Variants in MAST4 observed in about 807,000 individuals in gnomAD.
MAST4 encodes the protein microtubule-associated serine/threonine-protein kinase 4.
In MAST4, 89 loss-of-function variants were observed where a neutral mutation model predicts 162.7. That is an observed-to-expected ratio of 0.55 (90% CI 0.46 to 0.65). The LOEUF (loss-of-function observed/expected upper bound fraction) is 0.65. MAST4 is among the 30% of genes least tolerant of loss of function. The pLI is 0.00. For synonymous variants in MAST4, 1,479 were observed against 1,361.1 expected, an observed-to-expected ratio of 1.09 and a Z score of -1.91; for missense variants, 3,153 against 3,374.0, an observed-to-expected ratio of 0.93 and a Z score of 1.62.
chr5:66,624,146 GT>G (rs200030700), intron 1 of MAST4, among the ~76,000 whole-genome samples: 912 of 90,034 alleles, frequency 0.01, no homozygotes, highest in African/African-American at 0.033. Context: ...TTGTTAAAAT[GT>G]TTTTTTTTTT....
chr5:67,073,739 A>C (rs1761248406), intron 5 of MAST4, among the ~76,000 whole-genome samples: 1 of 152,234 alleles, frequency 6.6e-6, no homozygotes, highest in South Asian at 2.1e-4. Flanking sequence ...ACTGCAAAGG[A>C]AATAGTTTAA....
intron 1 of MAST4, among the ~76,000 whole-genome samples, chr5:66,678,385 T>G (rs1341323398): frequency 6.6e-6 from 1 of 152,088 alleles, no homozygotes; most frequent in Non-Finnish European, 1.5e-5. Flanking sequence ...AAGTAGATCC[T>G]AATTGCTGAC....
At position 67,163,447 on chromosome 5, in the gene MAST4, T is replaced by C. The variant is rs753005447; in HGVS notation, c.4268T>C (p.Ile1423Thr). 6.8e-6 allele frequency: 11 copies of C among 1,613,316 alleles called. No individual in the cohort carries two copies. The South Asian group carries it at 1.2e-4, about 18-fold the overall frequency. The change falls in exon 29 of 29, where the codon ATC (isoleucine) becomes ACC (threonine). Residue 1423 changes from isoleucine (I) to threonine (T), a missense_variant. Ile to Thr is a moderately conservative substitution (Grantham distance 89). Coordinates refer to ENST00000403625, the MANE Select transcript of MAST4 (RefSeq NM_001164664.2). This position sits in a 1 kb window ranked among gnomAD's most constrained non-coding sequence, Gnocchi z 7.0. The stretch of plus-strand genomic sequence containing the variant: ...AGCAAGATGCACTCCCCGCCCACCA[T>C]CGTCAGACACATCGTGAGGCCCAAG... ...FPSKMHSPPTIVRHIVRPKSA... is the reference protein window; with the variant it reads ...FPSKMHSPPTTVRHIVRPKSA...
chr5:66,640,332 G>A (rs951148716), intron 1 of MAST4, among the ~76,000 whole-genome samples: 1 of 149,738 alleles, frequency 6.7e-6, no homozygotes, highest in Non-Finnish European at 1.5e-5. Context: ...TTTTGAGACG[G>A]AGTCTCGCTC....
chr5:66,691,519 A>G (rs1580208102), intron 1 of MAST4, among the ~76,000 whole-genome samples: 3 of 152,306 alleles, frequency 2.0e-5, no homozygotes, highest in Admixed American at 1.3e-4. Context: ...ACAGAATACT[A>G]TAGACTGGGT....
At chr5:67,013,486 A>G (rs1165024526) in intron 4 of MAST4, among the ~76,000 whole-genome samples, 1 of 152,218 alleles carries the variant, frequency 6.6e-6, no homozygotes, top group Non-Finnish European at 1.5e-5. Context: ...CAAACAAAAT[A>G]AAAGCTGTAA....
chr5:67,099,042 G>A (rs535094730), intron 7 of MAST4, among the ~76,000 whole-genome samples: 1 of 152,066 alleles, frequency 6.6e-6, no homozygotes, highest in South Asian at 2.1e-4. Flanking sequence ...TTGAAATCTT[G>A]GATACAGGAT....
At chr5:66,950,317 C>T (rs559026909) in intron 4 of MAST4, among the ~76,000 whole-genome samples, 2 of 151,734 alleles carry the variant, frequency 1.3e-5, no homozygotes, top group Admixed American at 6.6e-5. Flanking sequence ...TTCAATTCTG[C>T]GCCATTAAGT....
chr5:67,036,787 C>T (rs1756074717), intron 4 of MAST4, among the ~76,000 whole-genome samples: 1 of 152,172 alleles, frequency 6.6e-6, no homozygotes, highest in Non-Finnish European at 1.5e-5. Flanking sequence ...GAATGCATAA[C>T]TCACGGATAC....
At chr5:66,674,491 A>G (rs191912904) in intron 1 of MAST4, among the ~76,000 whole-genome samples, 85 of 152,340 alleles carry the variant, frequency 5.6e-4, no homozygotes, top group Non-Finnish European at 9.1e-4. Context: ...GACTGATAAG[A>G]TGATTGGAAA....
intron 12 of MAST4, among the ~76,000 whole-genome samples, chr5:67,115,285 G>A (rs1011937387): frequency 2.0e-5 from 3 of 152,044 alleles, no homozygotes; most frequent in African/African-American, 4.8e-5. Context: ...ATTCAAAATT[G>A]TCTTCTCGGT....
At chr5:67,098,539 T>C (rs564377088) in intron 7 of MAST4, among the ~76,000 whole-genome samples, 45 of 152,264 alleles carry the variant, frequency 3.0e-4, no homozygotes, top group African/African-American at 1.1e-3. Context: ...AGTATGTCTA[T>C]CAAATGATAT....
intron 1 of MAST4, among the ~76,000 whole-genome samples, chr5:66,642,085 G>A (rs184734352): frequency 3.3e-5 from 5 of 152,158 alleles, no homozygotes; most frequent in Admixed American, 2.6e-4. Flanking sequence ...AATATCACAC[G>A]GAGACAACTA....
chr5:66,765,655 T>G (rs946079682), intron 2 of MAST4, among the ~76,000 whole-genome samples: 2 of 152,164 alleles, frequency 1.3e-5, no homozygotes, highest in Non-Finnish European at 2.9e-5. Context: ...ATATTTTATT[T>G]AACTATTTTT....
rs1773725958 is a variant in MAST4 at position 67,165,179 on chromosome 5, G to T, written c.6000G>T (p.Leu2000=). 1 of 1,605,580 alleles carries T rather than the reference G, an allele frequency of 6.2e-7. No homozygotes were observed. Among genetic ancestry groups the T allele is most frequent in the Non-Finnish European group, 8.5e-7 (1 of 1,175,926 alleles). Residue 2000 remains leucine, a synonymous_variant, in exon 29 of 29, where the codon CTG becomes CTT. Transcript: ENST00000403625. ...ADTCREPSME[L]CFPETAKTSD... ...CATGCAGAGAGCCCTCCATGGAACT[G>T]TGCTTTCCAGAAACTGCGAAAACCA...
At chr5:66,647,950 C>T (rs1312586962) in intron 1 of MAST4, among the ~76,000 whole-genome samples, 4 of 151,668 alleles carry the variant, frequency 2.6e-5, no homozygotes, top group African/African-American at 9.7e-5. Flanking sequence ...TCTGATAAGT[C>T]ATTTACATTA....
chr5:67,142,077 T>C, intron 19 of MAST4, 38 bp from the exon 20 acceptor site: 1 of 1,604,544 alleles, frequency 6.2e-7, no homozygotes, highest in Non-Finnish European at 8.5e-7. Flanking sequence ...GGGGATAGTT[T>C]AACACTTTCC....
intron 1 of MAST4, among the ~76,000 whole-genome samples, chr5:66,713,044 C>G (rs182470514): frequency 2.1e-4 from 32 of 152,326 alleles, no homozygotes; most frequent in Admixed American, 2.0e-3. Flanking sequence ...ACATATTCCC[C>G]CATGCCTACC....
At chr5:67,160,656 T>C (rs972046948) in intron 27 of MAST4, 64 bp downstream of exon 27, 14 of 1,524,332 alleles carry the variant, frequency 9.2e-6, no homozygotes, top group Non-Finnish European at 1.2e-5. Flanking sequence ...AGTTACCCCT[T>C]AATTAAATGC....
Sources: gnomAD v4.1 joint callset for allele counts (sites outside exome capture counted in the v4.1 genomes callset) on GRCh38, gnomAD v4.1.1 for gene constraint, Gnocchi (gnomAD v3.1) non-coding constraint, MANE v1.5 for transcripts, NCBI Gene and HGNC (gene_info 2026-07-23, HGNC 2026-07-21) for gene names.